The following ANO9 variants were observed in gnomAD, a reference collection of about 807,000 sequenced individuals.
ANO9 encodes anoctamin 9, also known as anoctamin-9.
ANO9 carries 80 observed loss-of-function variants against 100.5 expected under a neutral mutation model. The observed-to-expected ratio is 0.80, with a 90% CI of 0.66 to 0.96. ANO9 has a LOEUF of 0.96. Among genes scored for constraint, ANO9 ranks in the 40% least tolerant of loss-of-function variants. ANO9 has a pLI of 0.00. For synonymous variants in ANO9, 473 were observed against 435.6 expected, an observed-to-expected ratio of 1.09 and a Z score of -1.07; for missense variants, 1,064 against 1,072.7, an observed-to-expected ratio of 0.99 and a Z score of 0.11.
chr11:433,284 C>T (rs373240624), intron 4 of ANO9, 30 bp downstream of exon 4: 1 of 1,604,342 alleles, frequency 6.2e-7, no homozygotes, highest in Non-Finnish European at 8.5e-7. Context: ...AGGGGTTCTC[C>T]TGGCCACGGC....
chr11:436,436 C>A (rs1386200395), intron 1 of ANO9, among the ~76,000 whole-genome samples: 2 of 151,990 alleles, frequency 1.3e-5, no homozygotes, highest in African/African-American at 4.8e-5. Context: ...CCACCCCACA[C>A]ACACACACCA....
At chr11:428,416 G>A (rs372610756) in intron 13 of ANO9, 22 bp from the exon 14 acceptor site, 1 of 1,612,472 alleles carries the variant, frequency 6.2e-7, no homozygotes, top group African/African-American at 1.3e-5. Context: ...GGCACCGAAT[G>A]GGCTCACTGG....
Position 420,499 on chromosome 11 carries a change from G to GC in ANO9, c.1749dup (p.Gln584AlafsTer39). The GC allele has an allele frequency of 1.2e-6, 2 of 1,604,698 alleles. No individual in the cohort carries two copies. The highest frequency in any genetic ancestry group is 1.7e-6 in the Non-Finnish European group (2 of 1,179,602). Reference sequence around the variant, plus strand: ...GCCTTGCGCGGCACCAGGCGCCGCTGCAACCAGACCATCTTGATGGCGTCC... The same window carrying GC: ...GCCTTGCGCGGCACCAGGCGCCGCTGCCAACCAGACCATCTTGATGGCGTCC... On this transcript the variant is annotated frameshift_variant, in exon 19 of 23. Coordinates refer to ENST00000332826, the MANE Select transcript of ANO9 (RefSeq NM_001012302.3). LOFTEE classifies it high-confidence loss of function.
Position 420,289 on chromosome 11 carries a change from T to C in ANO9, c.1786+174A>G. 9.0e-6 allele frequency: 13 copies of C among 1,437,456 alleles called. No individual in the cohort carries two copies. The South Asian group carries it at 1.9e-4, about 21-fold the overall frequency. 89.0% of individuals were successfully genotyped at this position (1,437,456 alleles called of 1,614,324 possible). ...AGCGCTCGGCCCCGCCCACTCCTGGTACCCTCCCACCCAGGCTCAACCCGC... is the reference window on the plus strand; with the variant it reads ...AGCGCTCGGCCCCGCCCACTCCTGGCACCCTCCCACCCAGGCTCAACCCGC... On this transcript the variant is annotated intron_variant, in intron 19 of 22. Coordinates refer to ENST00000332826, the MANE Select transcript of ANO9 (RefSeq NM_001012302.3).
At chr11:435,444 G>C (rs1248124380) in intron 1 of ANO9, among the ~76,000 whole-genome samples, 2 of 152,030 alleles carry the variant, frequency 1.3e-5, no homozygotes, top group Non-Finnish European at 2.9e-5. Flanking sequence ...GTCTAGTCTA[G>C]TATAGCATAG....
chr11:420,740 C>G lies in ANO9; in HGVS notation c.1611G>C (p.Leu537=). 6.2e-7 allele frequency: 1 copy of G among 1,608,560 alleles called. No homozygotes were observed. The highest frequency in any genetic ancestry group is 8.5e-7 in the Non-Finnish European group (1 of 1,178,704). Residue 537 remains leucine, a synonymous_variant, in exon 18 of 23, where the codon CTG becomes CTC. Coordinates refer to ENST00000332826, the MANE Select transcript of ANO9 (RefSeq NM_001012302.3). ...YLLNPVNTFS[L]FDEFMEMMIQ... is the part of the protein sequence containing the mutation. Reference sequence around the variant, plus strand: ...CACTCATCTCCATGAACTCGTCGAACAGGCTGAAGGTGTTGACCGGGTTCA... The same window carrying G: ...CACTCATCTCCATGAACTCGTCGAAGAGGCTGAAGGTGTTGACCGGGTTCA...
At position 429,595 on chromosome 11, in the gene ANO9, T is replaced by A. The variant is rs760493737; in HGVS notation, c.890A>T (p.Asp297Val). Reference sequence around the variant, plus strand: ...CTGTTCCTCGTCCCACACGTACAGGTCCCAGTGCAGGACCACGCGGGCGCG... The same window carrying A: ...CTGTTCCTCGTCCCACACGTACAGGACCCAGTGCAGGACCACGCGGGCGCG... ...RQRARVVLHWDLYVWDEEQEE... is the reference protein window; with the variant it reads ...RQRARVVLHWVLYVWDEEQEE... The change falls in exon 11 of 23, where the codon GAC becomes GTC. Residue 297 changes from aspartate (D) to valine (V), a missense_variant. Coordinates refer to ENST00000332826, the MANE Select transcript of ANO9 (RefSeq NM_001012302.3). The A allele has an allele frequency of 6.2e-7, 1 of 1,612,534 alleles. No homozygotes were observed. Among genetic ancestry groups the A allele is most frequent in the South Asian group, 1.1e-5 (1 of 91,086 alleles).
chr11:421,009 C>T lies in ANO9; in HGVS notation c.1426G>A (p.Val476Met), dbSNP rs1310882870. ...HASGCMMDLF[V>M]QMAIIMGLKQ... The stretch of plus-strand genomic sequence containing the variant: ...AGGCCCATGATGATGGCCATCTGCA[C>T]GAAGAGGTCCATCATGCAGCCGCTG... The change falls in exon 17 of 23, where the codon GTG (valine) becomes ATG (methionine). Residue 476 changes from valine to methionine, a missense_variant. Physicochemically the swap from Val to Met is conservative, Grantham distance 21. Coordinates refer to ENST00000332826, the MANE Select transcript of ANO9 (RefSeq NM_001012302.3). This position sits in a 1 kb window ranked among gnomAD's most constrained non-coding sequence, Gnocchi z 6.8. 1 of 1,605,728 alleles carries T rather than the reference C, an allele frequency of 6.2e-7. No homozygotes were observed. Among genetic ancestry groups the T allele is most frequent in the Admixed American group, 1.7e-5 (1 of 59,854 alleles).
At chr11:426,233 G>T (rs1848512896) in intron 15 of ANO9, among the ~76,000 whole-genome samples, 1 of 152,106 alleles carries the variant, frequency 6.6e-6, no homozygotes, top group South Asian at 2.1e-4. Context: ...GGTGCAGTGG[G>T]TCACACCTGT....
At chr11:425,724 G>T (rs10794321) in intron 15 of ANO9, among the ~76,000 whole-genome samples, 118,572 of 148,864 alleles carry the variant, frequency 0.8, 47,017 homozygotes, top group East Asian at 0.99. Context: ...TTTGTTTTTT[G>T]TTTGTTTGTT....
chr11:420,680 T>A, intron 18 of ANO9, 38 bp downstream of exon 18: 1 of 1,601,976 alleles, frequency 6.2e-7, no homozygotes. Context: ...CGCCCCGCAT[T>A]CGTCTCCGCG....
rs1478578960 is a variant in ANO9 at position 421,421 on chromosome 11, G to C, written c.1335-223C>G. On this transcript the variant is annotated intron_variant, in intron 15 of 22. Coordinates refer to ENST00000332826, the MANE Select transcript of ANO9 (RefSeq NM_001012302.3). This position sits in a 1 kb window ranked among gnomAD's most constrained non-coding sequence, Gnocchi z 6.8. ...GAGGCCACAGGCTCCCAGATGAACC[G>C]CACCCACACGTGGGCGCGCGCACAC... The C allele has an allele frequency of 4.7e-5, 19 of 406,768 alleles. No individual in the cohort carries two copies. The highest frequency in any genetic ancestry group is 1.2e-3 in the Middle Eastern group (2 of 1,634). The allele number at this position is 406,768 out of a possible 1,614,324, so 25.2% of individuals were successfully genotyped here.
rs1848264823 is a variant in ANO9, at chr11:422,702, G to C, written c.1335-1504C>G. ...ACCCAGTGGGACTCATCTAGGACTT[G>C]TGGCCTGCAGAACTGGGAGGTAATA... On this transcript the variant is annotated intron_variant, in intron 15 of 22. Transcript: ENST00000332826. This position sits in a 1 kb window ranked among gnomAD's most constrained non-coding sequence, Gnocchi z 4.3. Among the ~76,000 whole-genome samples the C allele has an allele frequency of 6.6e-6, 1 of 152,222 alleles. No homozygotes were observed. Among genetic ancestry groups the C allele is most frequent in the African/African-American group, 2.4e-5 (1 of 41,456 alleles).
In ANO9 at chr11:434,011, C is replaced by T; in HGVS notation, c.81+13G>A. On this transcript the variant is annotated intron_variant, in intron 2 of 22. Transcript: ENST00000332826. ...GGCCAGGTGGGGCCCGGGAGGGGCC[C>T]CCGGACACCCACCTCACAGGTGCTG... 6.5e-7 allele frequency: 1 copy of T among 1,550,336 alleles called. No homozygotes were observed. The highest frequency in any genetic ancestry group is 8.7e-7 in the Non-Finnish European group (1 of 1,147,022).
At chr11:419,221 C>T (rs1037178792) in intron 20 of ANO9, 1 of 1,426,804 alleles carries the variant, frequency 7.0e-7, no homozygotes, top group African/African-American at 1.4e-5. Context: ...CAGAGACTGG[C>T]CCTGGGGACC....
At chr11:424,834 A>G (rs1395418939) in intron 15 of ANO9, among the ~76,000 whole-genome samples, 1 of 152,200 alleles carries the variant, frequency 6.6e-6, no homozygotes, top group East Asian at 1.9e-4. Flanking sequence ...AGAAATTAAG[A>G]CTTTAATTGT....
Position 434,559 on chromosome 11 carries a change from C to T in ANO9, c.7-461G>A, listed in dbSNP as rs946637388. On this transcript the variant is annotated intron_variant, in intron 1 of 22. Coordinates refer to ENST00000332826, the MANE Select transcript of ANO9 (RefSeq NM_001012302.3). ...CTGTTGGACTGTTTTTAAAATTGAA[C>T]GCTCCCAACCCCTGGCCTAGCCCGT... Among the ~76,000 whole-genome samples the T allele has an allele frequency of 5.9e-5, 9 of 152,314 alleles. No individual in the cohort carries two copies. In the South Asian group the frequency reaches 1.0e-3, roughly 18 times the overall value.
chr11:429,943 CTGGGGCTGGGCCTCCCCGTCAGCCCTG>C, intron 9 of ANO9, 113 bp downstream of exon 9: 6 of 121,836 alleles, frequency 4.9e-5, no homozygotes, highest in Non-Finnish European at 7.4e-5. Context: ...GGCGGGTGGG[CTGGGGCTGGGCCTCCCCGTCAGCCCTG>C]TGGGGAAAGC....
Position 432,187 on chromosome 11 carries a change from C to T in ANO9, c.351-133G>A. The T allele has an allele frequency of 8.2e-6, 8 of 976,862 alleles. No individual in the cohort carries two copies. Among genetic ancestry groups the T allele is most frequent in the African/African-American group, 1.6e-5 (1 of 61,568 alleles). 60.5% of individuals were successfully genotyped at this position (976,862 alleles called of 1,614,324 possible). On this transcript the variant is annotated intron_variant, in intron 4 of 22. Coordinates refer to ENST00000332826, the MANE Select transcript of ANO9 (RefSeq NM_001012302.3). This position sits in a 1 kb window ranked among gnomAD's most constrained non-coding sequence, Gnocchi z 4.8. ...GAGCCCCCAGCCTGCCAGCCCTGAC[C>T]AGAGCCCAGAATCCACAACTCACCC...
Sources: allele counts gnomAD v4.1 joint callset (sites outside exome capture counted in the v4.1 genomes callset), GRCh38; gene constraint gnomAD v4.1.1; non-coding constraint Gnocchi (gnomAD v3.1); transcripts MANE v1.5; gene names NCBI Gene and HGNC (gene_info 2026-07-23, HGNC 2026-07-21).